The following TEX9 variants were observed in gnomAD, a reference collection of about 807,000 sequenced individuals.
TEX9 encodes the protein testis expressed 9.
Under a neutral mutation model 59.6 loss-of-function variants are expected in TEX9, and 74 were observed. That is an observed-to-expected ratio of 1.24 (90% CI 1.03 to 1.51). The LOEUF (loss-of-function observed/expected upper bound fraction) is 1.51, where lower values mean the gene tolerates loss of function less well. TEX9 is among the 40% of genes most tolerant of loss of function. The pLI, the probability that TEX9 is intolerant of heterozygous loss-of-function variation, is 0.00. For missense variants in TEX9, 522 were observed against 447.8 expected (o/e 1.17, Z -1.49); for synonymous variants, 186 against 152.2 (o/e 1.22, Z -1.64).
chr15:56,299,186 A>G (rs2141552657), intron 1 of TEX9, among the ~76,000 whole-genome samples: 1 of 152,352 alleles, frequency 6.6e-6, no homozygotes, highest in South Asian at 2.1e-4. Context: ...AGCAGTAGCA[A>G]TGGCCCTGTG....
chr15:56,374,468 C>T (rs2047335024), intron 3 of TEX9: 1 of 152,048 alleles, frequency 6.6e-6, no homozygotes, highest in Non-Finnish European at 1.5e-5. Flanking sequence ...TTGATACAGG[C>T]ATGCATTGTG....
chr15:56,379,998 T>G (rs1277784637), intron 3 of TEX9, among the ~76,000 whole-genome samples: 1 of 152,150 alleles, frequency 6.6e-6, no homozygotes, highest in African/African-American at 2.4e-5. Flanking sequence ...CAGTCCGTCT[T>G]TTGATTGAAG....
chr15:56,256,937 C>A (rs1385407901), intron 1 of TEX9, among the ~76,000 whole-genome samples: 2 of 151,988 alleles, frequency 1.3e-5, no homozygotes, highest in African/African-American at 4.8e-5. Context: ...CTCCCTCCTC[C>A]CACCCTCTGC....
chr15:56,276,489 C>T (rs1274185434), intron 1 of TEX9, among the ~76,000 whole-genome samples: 2 of 152,116 alleles, frequency 1.3e-5, no homozygotes, highest in East Asian at 3.8e-4. Context: ...TCATCCATGT[C>T]CCTGCAAAGG....
chr15:56,294,655 A>G (rs2045175638), intron 1 of TEX9, among the ~76,000 whole-genome samples: 1 of 152,208 alleles, frequency 6.6e-6, no homozygotes, highest in Non-Finnish European at 1.5e-5. Flanking sequence ...CCTAGCTAAT[A>G]ATATTACCTC....
chr15:56,301,931 A>G (rs1244884155), intron 1 of TEX9, among the ~76,000 whole-genome samples: 1 of 152,218 alleles, frequency 6.6e-6, no homozygotes. Context: ...AACTACTCAT[A>G]TCTTGAGTAG....
rs149597465 is a variant in TEX9, at chr15:56,304,961, C to T, written c.-107+60683C>T. On this transcript the variant is annotated intron_variant, in intron 1 of 5. Transcript: ENST00000560827. Reference sequence around the variant, plus strand: ...TGGTCTGGAACTCCTGTGACTCAAGCGAAGCATTGAGCATTTCTATATGCC... The same window carrying T: ...TGGTCTGGAACTCCTGTGACTCAAGTGAAGCATTGAGCATTTCTATATGCC... 2.2e-4 allele frequency among the ~76,000 whole-genome samples: 34 copies of T among 152,158 alleles called. No homozygotes were observed. The East Asian group carries it at 5.0e-3, about 22-fold the overall frequency.
intron 1 of TEX9, among the ~76,000 whole-genome samples, chr15:56,324,546 G>C (rs1329350962): frequency 3.3e-5 from 5 of 152,066 alleles, no homozygotes; most frequent in African/African-American, 1.2e-4. Context: ...ATTTTTCATT[G>C]GTAAAATATA....
At chr15:56,407,105 C>T (rs1449765931) in intron 9 of TEX9, among the ~76,000 whole-genome samples, 1 of 151,802 alleles carries the variant, frequency 6.6e-6, no homozygotes, top group African/African-American at 2.4e-5. Context: ...GTGTGTATCT[C>T]AAAATCATAT....
intron 6 of TEX9, among the ~76,000 whole-genome samples, chr15:56,390,480 C>T (rs1338278564): frequency 6.6e-6 from 1 of 151,836 alleles, no homozygotes; most frequent in East Asian, 1.9e-4. Context: ...CTACTGTGTA[C>T]CCACAAAAAA....
intron 1 of TEX9, among the ~76,000 whole-genome samples, chr15:56,316,089 G>A (rs1258829143): frequency 6.8e-6 from 1 of 147,706 alleles, no homozygotes; most frequent in Non-Finnish European, 1.5e-5. Flanking sequence ...CTTTGCCTTT[G>A]GTTTGAATAT....
At chr15:56,261,291 T>C (rs769110646) in intron 1 of TEX9, among the ~76,000 whole-genome samples, 11 of 152,128 alleles carry the variant, frequency 7.2e-5, no homozygotes, top group Non-Finnish European at 1.6e-4. Context: ...AGATGGTAAC[T>C]TAGAAATTAA....
intron 1 of TEX9, among the ~76,000 whole-genome samples, chr15:56,261,415 AT>A (rs1463241525): frequency 1.3e-5 from 2 of 152,062 alleles, no homozygotes; most frequent in Non-Finnish European, 2.9e-5. Flanking sequence ...TAACCAAAAA[AT>A]AATAATATAA....
At chr15:56,366,370 ACT>A (rs1260487184) in intron 2 of TEX9, among the ~76,000 whole-genome samples, 4 of 151,514 alleles carry the variant, frequency 2.6e-5, no homozygotes, top group Admixed American at 1.3e-4. Flanking sequence ...TCCCCCTAAA[ACT>A]CTCCAGCTTC....
exon 5 of TEX9, chr15:56,388,515 A>T (rs1371870192): frequency 1.2e-6 from 2 of 1,611,326 alleles, no homozygotes; most frequent in Non-Finnish European, 1.7e-6. Flanking sequence ...TCATTCAGAA[A>T]CTAAGGTATG....
chr15:56,400,956 T>A (rs1483829944), intron 9 of TEX9, among the ~76,000 whole-genome samples: 1 of 152,116 alleles, frequency 6.6e-6, no homozygotes, highest in African/African-American at 2.4e-5. Flanking sequence ...CCACCAGGCC[T>A]GCCTTACAAG....
chr15:56,257,372 G>A (rs1362502262), intron 1 of TEX9, among the ~76,000 whole-genome samples: 1 of 152,144 alleles, frequency 6.6e-6, no homozygotes, highest in Non-Finnish European at 1.5e-5. Context: ...TCACCACACT[G>A]TCTTCCACAA....
intron 3 of TEX9, among the ~76,000 whole-genome samples, chr15:56,379,387 T>C (rs2047614685): frequency 6.6e-6 from 1 of 152,218 alleles, no homozygotes; most frequent in Admixed American, 6.5e-5. Flanking sequence ...ATTTCTAGTT[T>C]TATTCCATGT....
intron 12 of TEX9, among the ~76,000 whole-genome samples, chr15:56,432,063 G>A (rs1375358954): frequency 3.3e-5 from 5 of 152,124 alleles, no homozygotes; most frequent in African/African-American, 1.2e-4. Context: ...GTTAATTTGA[G>A]ACTGTACTTG....
Sources: allele counts gnomAD v4.1 joint callset (sites outside exome capture counted in the v4.1 genomes callset), GRCh38; gene constraint gnomAD v4.1.1; transcripts MANE v1.5; gene names NCBI Gene and HGNC (gene_info 2026-07-23, HGNC 2026-07-21).